Variants in TENM4 observed in about 807,000 individuals in gnomAD.
TENM4 encodes teneurin transmembrane protein 4.
A neutral mutation model predicts 243.3 loss-of-function variants in TENM4; 82 were observed. The observed-to-expected ratio is 0.34, with a 90% CI of 0.28 to 0.40. The LOEUF (loss-of-function observed/expected upper bound fraction) is 0.40. TENM4 is among the 10% of genes least tolerant of loss of function. The pLI is 1.00. For missense variants in TENM4, 3,138 were observed against 3,673.3 expected (o/e 0.85, Z 3.77); for synonymous variants, 1,412 against 1,456.3 (o/e 0.97, Z 0.69).
intron 27 of TENM4, among the ~76,000 whole-genome samples, chr11:78,704,038 C>T (rs75967691): frequency 0.25 from 30,010 of 119,836 alleles, 3,686 homozygotes; most frequent in African/African-American, 0.4. Context: ...TATATATACA[C>T]ACACACACAC....
chr11:78,702,850 G>A (rs139638119), intron 27 of TENM4, among the ~76,000 whole-genome samples: 1 of 152,342 alleles, frequency 6.6e-6, no homozygotes, highest in East Asian at 1.9e-4. Flanking sequence ...TCTAAGATGG[G>A]AGGGAAAGGC....
chr11:79,018,127 T>A (rs544544722), intron 6 of TENM4, among the ~76,000 whole-genome samples: 1 of 152,172 alleles, frequency 6.6e-6, no homozygotes, highest in Non-Finnish European at 1.5e-5. Flanking sequence ...GTTGCCCAAC[T>A]GAATGCAAGG....
At chr11:79,300,160 T>A (rs1480264690) in intron 1 of TENM4, among the ~76,000 whole-genome samples, 1 of 152,208 alleles carries the variant, frequency 6.6e-6, no homozygotes, top group Admixed American at 6.5e-5. Flanking sequence ...TTAAAAAAAG[T>A]ATTTTCTTTC....
At chr11:79,430,414 G>T (rs1859142586) in intron 1 of TENM4, among the ~76,000 whole-genome samples, 1 of 152,142 alleles carries the variant, frequency 6.6e-6, no homozygotes, top group Non-Finnish European at 1.5e-5. Flanking sequence ...ATCTGTCCAG[G>T]TCCTGAGCCT....
chr11:79,008,259 C>A (rs1188516417), intron 6 of TENM4, among the ~76,000 whole-genome samples: 4 of 152,204 alleles, frequency 2.6e-5, no homozygotes, highest in African/African-American at 9.7e-5. Flanking sequence ...GATTTCAGCA[C>A]AAGGGCTCTG....
chr11:79,439,983 T>G (rs1358677793), intron 1 of TENM4, among the ~76,000 whole-genome samples: 1 of 151,748 alleles, frequency 6.6e-6, no homozygotes, highest in Non-Finnish European at 1.5e-5. Context: ...TGGGGTCGCA[T>G]CTCCAGGATC....
Position 79,357,855 on chromosome 11 carries a change from GTGTGGCATA to G in TENM4, c.-320-60321_-320-60313del, listed in dbSNP as rs1349759005. Among the ~76,000 whole-genome samples the G allele has an allele frequency of 1.1e-4, 16 of 152,264 alleles. No homozygotes were observed. In the East Asian group the frequency reaches 2.9e-3, roughly 28 times the overall value. ...CCCACTTGTAGCAACAACTATCCAA[GTGTGGCATA>G]TGTTTATAGGTAAATAAGGACTGTA... On this transcript the variant is annotated intron_variant, in intron 1 of 33. Coordinates refer to ENST00000278550, the MANE Select transcript of TENM4 (RefSeq NM_001098816.3).
At chr11:78,873,683 A>G (rs955894217) in intron 9 of TENM4, among the ~76,000 whole-genome samples, 1 of 152,206 alleles carries the variant, frequency 6.6e-6, no homozygotes, top group African/African-American at 2.4e-5. Context: ...TTTTTACTCA[A>G]ATTTCGTTGG....
chr11:78,794,282 T>C (rs1312604183), intron 15 of TENM4, among the ~76,000 whole-genome samples: 2 of 151,976 alleles, frequency 1.3e-5, no homozygotes, highest in African/African-American at 4.8e-5. Flanking sequence ...CGAAGCACAA[T>C]CAGAGGAACG....
chr11:78,922,390 T>C (rs1177112233), intron 6 of TENM4, among the ~76,000 whole-genome samples: 2 of 152,232 alleles, frequency 1.3e-5, no homozygotes, highest in African/African-American at 4.8e-5. Flanking sequence ...TTTTGCCTAG[T>C]GTCTCCAATT....
intron 6 of TENM4, among the ~76,000 whole-genome samples, chr11:79,024,949 C>T (rs1859036033): frequency 6.6e-6 from 1 of 152,208 alleles, no homozygotes; most frequent in Non-Finnish European, 1.5e-5. Flanking sequence ...CAATTCCTCC[C>T]TCAGAAGAAG....
At chr11:79,019,974 T>A (rs1450168684) in intron 6 of TENM4, among the ~76,000 whole-genome samples, 1 of 152,206 alleles carries the variant, frequency 6.6e-6, no homozygotes, top group African/African-American at 2.4e-5. Context: ...CTGTTGCTAT[T>A]ACTTTTCTCA....
At chr11:78,861,087 T>A (rs1858807410) in intron 10 of TENM4, among the ~76,000 whole-genome samples, 1 of 152,226 alleles carries the variant, frequency 6.6e-6, no homozygotes, top group South Asian at 2.1e-4. Flanking sequence ...AAGCATATTT[T>A]AAATCTACAT....
intron 31 of TENM4, among the ~76,000 whole-genome samples, chr11:78,671,758 T>C (rs535029148): frequency 6.6e-6 from 1 of 152,280 alleles, no homozygotes; most frequent in Admixed American, 6.5e-5. Flanking sequence ...GAACCCCGAG[T>C]CCTGCTCTGC....
At chr11:78,778,724 T>G in intron 16 of TENM4, 96 bp from the exon 17 acceptor site, 1 of 1,180,132 alleles carries the variant, frequency 8.5e-7, no homozygotes. Context: ...GACAAAGGGA[T>G]TGTGCCCCAC....
chr11:78,736,765 G>T (rs1039002146), intron 20 of TENM4, among the ~76,000 whole-genome samples: 2 of 152,214 alleles, frequency 1.3e-5, no homozygotes, highest in African/African-American at 4.8e-5. Context: ...ACATTATGCA[G>T]TGGCTGAGTT....
intron 17 of TENM4, among the ~76,000 whole-genome samples, chr11:78,778,252 G>A (rs915314725): frequency 2.0e-5 from 3 of 146,434 alleles, no homozygotes; most frequent in African/African-American, 7.6e-5. Flanking sequence ...TAATTCTGGT[G>A]GACCAGGGGC....
chr11:78,913,637 G>GTGTGT (rs1856248034), intron 6 of TENM4, among the ~76,000 whole-genome samples: 1 of 149,326 alleles, frequency 6.7e-6, no homozygotes, highest in African/African-American at 2.5e-5. Flanking sequence ...GTGAGTGTCG[G>GTGTGT]GGGTGGAATT....
chr11:79,374,150 C>T (rs1313288136), intron 1 of TENM4, among the ~76,000 whole-genome samples: 1 of 152,176 alleles, frequency 6.6e-6, no homozygotes, highest in East Asian at 1.9e-4. Flanking sequence ...AAATTCAAGA[C>T]ACTCTTTGAG....
Sources: allele counts gnomAD v4.1 joint callset (sites outside exome capture counted in the v4.1 genomes callset), GRCh38; gene constraint gnomAD v4.1.1; transcripts MANE v1.5; gene names NCBI Gene and HGNC (gene_info 2026-07-23, HGNC 2026-07-21).